ZAN: variants seen among roughly 807,000 people sequenced by gnomAD.
ZAN encodes zonadhesin (gene/pseudogene).
A neutral mutation model predicts 286.2 loss-of-function variants in ZAN; 260 were observed. The observed-to-expected ratio is 0.91, with a 90% confidence interval of 0.82 to 1.01. The LOEUF (loss-of-function observed/expected upper bound fraction) is 1.01. Among genes scored for constraint, ZAN ranks in the 50% least tolerant of loss-of-function variants. The pLI is 0.00. For synonymous variants in ZAN, 1,368 were observed against 1,417.5 expected (o/e 0.97, Z 0.79); for missense variants, 3,410 against 3,639.2 (o/e 0.94, Z 1.62).
intron 23 of ZAN, 95 bp downstream of exon 23, chr7:100,765,649 C>CTTGTT (rs909982364): frequency 3.7e-5 from 53 of 1,424,970 alleles, no homozygotes; most frequent in African/African-American, 1.2e-4. Flanking sequence ...CTTTTCGTTT[C>CTTGTT]TTGTTTTGTT....
Position 100,797,354 on chromosome 7 carries a change from C to G in ZAN, c.8267-12C>G. On this transcript the variant is annotated splice_polypyrimidine_tract_variant and intron_variant, in intron 45 of 47. Transcript: ENST00000613979. ...CACGTTCGACCTAATGTCTCTTCCC[C>G]GCACCCAGAAGCATCTAACCTGGTG... 1 of 1,613,224 alleles carries G rather than the reference C, an allele frequency of 6.2e-7. No homozygotes were observed. The highest frequency in any genetic ancestry group is 8.5e-7 in the Non-Finnish European group (1 of 1,179,382).
intron 15 of ZAN, among the ~76,000 whole-genome samples, chr7:100,756,679 G>A (rs970049359): frequency 2.0e-5 from 3 of 151,858 alleles, no homozygotes; most frequent in Non-Finnish European, 2.9e-5. Context: ...TCTGCCCTAG[G>A]AGGCATGTAT....
Position 100,797,620 on chromosome 7 carries a change from A to G in ZAN, c.8410A>G (p.Thr2804Ala). ...AGACAGACTGGCCAGGCTGGTGGAC[A>G]CAGGTGAGAACCAACCCCACAGCCC... ...EGDRLARLVD[T>A]DTVLDCAC Residue 2804 changes from threonine (T) to alanine (A), a missense_variant, in exon 47 of 48, where the codon ACA (threonine) becomes GCA (alanine). Physicochemically the swap from Thr to Ala is moderately conservative, Grantham distance 58. Coordinates refer to ENST00000613979, the MANE Select transcript of ZAN (RefSeq NM_003386.3). 1 of 1,613,966 alleles carries G rather than the reference A, an allele frequency of 6.2e-7. No homozygotes were observed.
At chr7:100,772,208 A>G (rs1288051100) in intron 29 of ZAN, among the ~76,000 whole-genome samples, 188 bp downstream of exon 29, 1 of 148,894 alleles carries the variant, frequency 6.7e-6, no homozygotes, top group Non-Finnish European at 1.5e-5. Context: ...AAGATGGGTG[A>G]ATCACCTGAG....
In ZAN at chr7:100,746,599, G is replaced by A; in HGVS notation, c.828G>A (p.Leu276=). 6.8e-6 allele frequency: 11 copies of A among 1,613,918 alleles called. No homozygotes were observed. Among genetic ancestry groups the A allele is most frequent in the Non-Finnish European group, 9.3e-6 (11 of 1,179,866 alleles). Residue 276 remains leucine, a synonymous_variant, in exon 8 of 48, where the codon CTG becomes CTA. Transcript: ENST00000613979. The part of the protein sequence containing the change: ...NARPGQKAVL[L]SPVSLSSGCL... ...GACCTGGGCAGAAAGCTGTCCTCCT[G>A]AGCCCCGTGAGCCTGTCCTCTGGCT... is the stretch of plus-strand genomic sequence containing the variant.
intron 41 of ZAN, 26 bp downstream of exon 41, chr7:100,792,174 G>A (rs1174840564): frequency 6.3e-7 from 1 of 1,577,292 alleles, no homozygotes; most frequent in Non-Finnish European, 8.6e-7. Context: ...AGGACTTGTG[G>A]GAATGGCCCA....
chr7:100,794,381 C>T, intron 44 of ZAN, 123 bp downstream of exon 44: 1 of 1,452,658 alleles, frequency 6.9e-7, no homozygotes, highest in African/African-American at 1.4e-5. Context: ...CTGTCCCTGC[C>T]TTTGTAGGGA....
intron 34 of ZAN, among the ~76,000 whole-genome samples, 183 bp downstream of exon 34, chr7:100,776,747 A>T (rs1584612155): frequency 9.3e-5 from 2 of 21,610 alleles, no homozygotes; most frequent in Non-Finnish European, 8.8e-5. Context: ...TTTTTTTGAG[A>T]CGGAGTCTTG....
At chr7:100,770,219 A>G (rs1384614103) in intron 28 of ZAN, among the ~76,000 whole-genome samples, 1 of 151,594 alleles carries the variant, frequency 6.6e-6, no homozygotes, top group Non-Finnish European at 1.5e-5. Context: ...AAAATGTTTT[A>G]ATAGGCTGGG....
intron 17 of ZAN, 119 bp downstream of exon 17, chr7:100,758,769 G>A (rs1027416931): frequency 6.2e-6 from 9 of 1,453,662 alleles, no homozygotes; most frequent in South Asian, 1.3e-5. Context: ...AGGCAAGATA[G>A]GAGCAAGTTC....
intron 43 of ZAN, 47 bp from the exon 44 acceptor site, chr7:100,794,073 C>A (rs1431341326): frequency 2.5e-6 from 4 of 1,613,538 alleles, no homozygotes; most frequent in Non-Finnish European, 3.4e-6. Flanking sequence ...GAGAGCCAGA[C>A]CAGGGATGGA....
chr7:100,777,068 G>A (rs1810869496), intron 34 of ZAN, among the ~76,000 whole-genome samples: 1 of 150,564 alleles, frequency 6.6e-6, no homozygotes, highest in Non-Finnish European at 1.5e-5. Flanking sequence ...TTCTGAGACA[G>A]AATCTTGCTC....
Position 100,757,281 on chromosome 7 carries a change from A to G in ZAN, c.3310-921A>G, listed in dbSNP as rs181807443. The stretch of plus-strand genomic sequence containing the variant: ...GCTGGGATTACAGTGGTGAACCACC[A>G]CACCCAGCCTACTTAGTACTTTCTA... On this transcript the variant is annotated intron_variant, in intron 15 of 47. Coordinates refer to ENST00000613979, the MANE Select transcript of ZAN (RefSeq NM_003386.3). Among the ~76,000 whole-genome samples the G allele has an allele frequency of 5.4e-3, 824 of 151,968 alleles. 9 individuals carry two copies. Among genetic ancestry groups the G allele is most frequent in the African/African-American group, 0.018 (756 of 41,440 alleles).
intron 33 of ZAN, among the ~76,000 whole-genome samples, chr7:100,776,157 T>A (rs1373480749): frequency 0.011 from 1,541 of 146,604 alleles, 14 homozygotes; most frequent in Non-Finnish European, 0.016. Context: ...CTATTAAAAA[T>A]AAAAAAAAAA....
chr7:100,777,551 G>A (rs999381038), intron 34 of ZAN, among the ~76,000 whole-genome samples: 5 of 151,832 alleles, frequency 3.3e-5, no homozygotes, highest in East Asian at 1.9e-4. Flanking sequence ...AGGTAGAGAC[G>A]GAGTTTCATC....
In ZAN at chr7:100,788,091, C is replaced by T. The variant is rs575862240; in HGVS notation, c.7182C>T (p.Thr2394=). ...SSIFLQEVIT[T]VYGYKVQLQA... ...TCTTCTTGCAGGAAGTGATTACCAC[C>T]GTCTACGGCTATAAAGTGCAGCTCC... Residue 2394 remains threonine (T), a synonymous_variant, in exon 38 of 48, where the codon ACC becomes ACT. Coordinates refer to ENST00000613979, the MANE Select transcript of ZAN (RefSeq NM_003386.3). The T allele has an allele frequency of 1.2e-5, 19 of 1,567,618 alleles. No individual in the cohort carries two copies. Among genetic ancestry groups the T allele is most frequent in the East Asian group, 4.5e-5 (2 of 44,572 alleles).
chr7:100,776,714 CTTTCT>C, intron 34 of ZAN, 150 bp downstream of exon 34: 1 of 186,704 alleles, frequency 5.4e-6, no homozygotes, highest in South Asian at 8.1e-5. Context: ...TCTTCCTCTC[CTTTCT>C]TTTTTTTTTT....
Position 100,752,536 on chromosome 7 carries a change from T to G in ZAN, c.2431T>G (p.Ser811Ala). ...PTTPTEETTI[S>A]TEKPSIPMEK... is the part of the protein sequence containing the mutation. ...CACCCCCACTGAGGAGACCACCATC[T>G]CCACAGAAAAACCCAGCATCCCCAT... is the stretch of plus-strand genomic sequence containing the variant. Residue 811 changes from serine (S) to alanine (A), a missense_variant, in exon 14 of 48, where the codon TCC becomes GCC. Ser to Ala is a moderately conservative substitution (Grantham distance 99, BLOSUM62 1). Transcript: ENST00000613979. The G allele has an allele frequency of 6.3e-7, 1 of 1,582,930 alleles. No homozygotes were observed. Among genetic ancestry groups the G allele is most frequent in the Non-Finnish European group, 8.6e-7 (1 of 1,169,042 alleles).
chr7:100,787,290 G>A (rs1476443750), intron 37 of ZAN, among the ~76,000 whole-genome samples: 1 of 151,400 alleles, frequency 6.6e-6, no homozygotes, highest in Non-Finnish European at 1.5e-5. Flanking sequence ...TTAGCTAGGG[G>A]TGGTGGTGCG....
Sources: gnomAD v4.1 joint callset for allele counts (sites outside exome capture counted in the v4.1 genomes callset) on GRCh38, gnomAD v4.1.1 for gene constraint, MANE v1.5 for transcripts, NCBI Gene and HGNC (gene_info 2026-07-23, HGNC 2026-07-21) for gene names.